EIF2B3: variants seen among roughly 807,000 people sequenced by gnomAD.
EIF2B3 encodes the protein translation initiation factor eIF2B subunit gamma.
Under a neutral mutation model 54.1 loss-of-function variants are expected in EIF2B3, and 20 were observed. That is an observed-to-expected ratio of 0.37 (90% CI 0.26 to 0.54). The LOEUF (loss-of-function observed/expected upper bound fraction) is 0.54. Ranked by LOEUF, EIF2B3 falls within the 20% of genes least tolerant of loss-of-function variation. The pLI is 0.86. For missense variants in EIF2B3, 448 were observed against 547.8 expected (o/e 0.82, Z 1.82); for synonymous variants, 153 against 188.1 (o/e 0.81, Z 1.52).
chr1:44,966,417 C>T lies in EIF2B3; in HGVS notation c.294+11898G>A, dbSNP rs113518867. ...TTATGCCACTGCACTCCAGCCTGGG[C>T]GACAGAGCGAGACTCTGTCTCAAAA... On this transcript the variant is annotated intron_variant, in intron 3 of 11. Transcript: ENST00000360403. 7.0e-4 allele frequency among the ~76,000 whole-genome samples: 94 copies of T among 134,664 alleles called. 1 individual carries two copies. Among genetic ancestry groups the T allele is most frequent in the Middle Eastern group, 7.8e-3 (2 of 256 alleles). 88.3% of individuals were successfully genotyped at this position (134,664 alleles called of 152,430 possible). A position where few individuals can be genotyped will look rare whatever the true frequency, so the allele number is the denominator to read the frequency against.
At chr1:44,973,519 G>A (rs962766579) in intron 3 of EIF2B3, among the ~76,000 whole-genome samples, 6 of 152,122 alleles carry the variant, frequency 3.9e-5, no homozygotes, top group African/African-American at 7.2e-5. Context: ...CCAACATGGC[G>A]AAACCCCATT....
At chr1:44,942,377 T>TTATATATATATATATACATATATA (rs1644033459) in intron 3 of EIF2B3, among the ~76,000 whole-genome samples, 1 of 21,586 alleles carries the variant, frequency 4.6e-5, no homozygotes, top group Non-Finnish European at 7.1e-5. Flanking sequence ...CTTTCTGATT[T>TTATATATATATATATACATATATA]TATATATATA....
At chr1:44,875,915 C>T (rs1655114407) in intron 8 of EIF2B3, among the ~76,000 whole-genome samples, 1 of 152,254 alleles carries the variant, frequency 6.6e-6, no homozygotes, top group Non-Finnish European at 1.5e-5. Flanking sequence ...CTGCCGACTG[C>T]CTGCAATTGC....
At chr1:44,935,610 C>T (rs1643938609) in intron 4 of EIF2B3, among the ~76,000 whole-genome samples, 1 of 152,192 alleles carries the variant, frequency 6.6e-6, no homozygotes, top group Admixed American at 6.5e-5. Context: ...AGCAATTCTC[C>T]TGCCTCAGCC....
intron 3 of EIF2B3, among the ~76,000 whole-genome samples, chr1:44,962,911 T>C (rs775498096): frequency 1.3e-5 from 2 of 152,114 alleles, no homozygotes; most frequent in Admixed American, 6.6e-5. Context: ...CCTGTGTAAA[T>C]ACAGAAAAAT....
intron 6 of EIF2B3, among the ~76,000 whole-genome samples, chr1:44,891,626 A>C (rs1007875932): frequency 6.6e-6 from 1 of 152,178 alleles, no homozygotes; most frequent in African/African-American, 2.4e-5. Context: ...GAATTCTGGC[A>C]ATGTTCTGTT....
rs1237655571 is a variant in EIF2B3, at chr1:44,958,683, C to T, written c.295-17018G>A. Reference sequence around the variant, plus strand: ...TCAGCATGGCAGTGGTGAGTTTAGTCGCTCACCAGCTATCTGTGCTGCCTG... The same window carrying T: ...TCAGCATGGCAGTGGTGAGTTTAGTTGCTCACCAGCTATCTGTGCTGCCTG... On this transcript the variant is annotated intron_variant, in intron 3 of 11. Coordinates refer to ENST00000360403, the MANE Select transcript of EIF2B3 (RefSeq NM_020365.5). The T allele has an allele frequency of 1.6e-5, 25 of 1,597,284 alleles. No individual in the cohort carries two copies. In the Admixed American group the frequency reaches 2.8e-4, roughly 18 times the overall value.
At chr1:44,915,025 G>A (rs967956032) in intron 5 of EIF2B3, among the ~76,000 whole-genome samples, 10 of 150,456 alleles carry the variant, frequency 6.6e-5, no homozygotes, top group African/African-American at 1.7e-4. Flanking sequence ...TTGGTCAGGC[G>A]TGGTGGCTCA....
intron 10 of EIF2B3, among the ~76,000 whole-genome samples, chr1:44,862,148 A>G (rs187637255): frequency 1.8e-4 from 28 of 152,300 alleles, no homozygotes; most frequent in African/African-American, 6.3e-4. Flanking sequence ...TAGTCCAACA[A>G]AAGAGCTTGT....
chr1:44,863,918 C>T (rs1264436862), intron 10 of EIF2B3, among the ~76,000 whole-genome samples: 1 of 152,116 alleles, frequency 6.6e-6, no homozygotes, highest in African/African-American at 2.4e-5. Context: ...TTCCCTGTTT[C>T]TGGTCACTCT....
intron 4 of EIF2B3, among the ~76,000 whole-genome samples, chr1:44,932,828 A>G (rs1643909413): frequency 6.6e-6 from 1 of 152,230 alleles, no homozygotes; most frequent in South Asian, 2.1e-4. Context: ...AAAATATGAA[A>G]CAAATATGTG....
chr1:44,897,833 C>T (rs1656027753), intron 5 of EIF2B3, among the ~76,000 whole-genome samples: 1 of 150,786 alleles, frequency 6.6e-6, no homozygotes, highest in South Asian at 2.1e-4. Context: ...GTCTCCCAGG[C>T]TCAAGCAATT....
chr1:44,940,517 T>C (rs1644008600), intron 4 of EIF2B3: 1 of 152,196 alleles, frequency 6.6e-6, no homozygotes, highest in Non-Finnish European at 1.5e-5. Context: ...CCTGTAATCC[T>C]AGCACTTTGG....
At chr1:44,903,453 G>A (rs898059602) in intron 5 of EIF2B3, among the ~76,000 whole-genome samples, 2 of 152,160 alleles carry the variant, frequency 1.3e-5, no homozygotes, top group African/African-American at 2.4e-5. Context: ...ATCATCATGT[G>A]TGTGGGAGGA....
chr1:44,941,789 A>G, intron 3 of EIF2B3, 124 bp from the exon 4 acceptor site: 5 of 1,136,422 alleles, frequency 4.4e-6, no homozygotes, highest in Non-Finnish European at 6.6e-6. Flanking sequence ...AGCATTTTTC[A>G]TAGCCAAACA....
chr1:44,973,142 G>A (rs1334685538), intron 3 of EIF2B3, among the ~76,000 whole-genome samples: 1 of 152,220 alleles, frequency 6.6e-6, no homozygotes. Context: ...CAGTATGGCA[G>A]TTCATTAAAA....
At chr1:44,956,265 C>G (rs553819410) in intron 3 of EIF2B3, among the ~76,000 whole-genome samples, 10 of 152,086 alleles carry the variant, frequency 6.6e-5, no homozygotes, top group African/African-American at 2.2e-4. Flanking sequence ...AACACAGGAA[C>G]AGAAAACCAA....
intron 3 of EIF2B3, among the ~76,000 whole-genome samples, chr1:44,976,854 T>C (rs1002124216): frequency 6.6e-6 from 1 of 152,186 alleles, no homozygotes; most frequent in African/African-American, 2.4e-5. Flanking sequence ...TACATAGTGA[T>C]AGAAACAGAA....
intron 5 of EIF2B3, among the ~76,000 whole-genome samples, chr1:44,918,095 T>TTTTA (rs1643665546): frequency 7.7e-6 from 1 of 130,564 alleles, no homozygotes. Context: ...TTTTTTTTTT[T>TTTTA]GAGATGGAGT....
Sources: gnomAD v4.1 joint callset for allele counts (sites outside exome capture counted in the v4.1 genomes callset) on GRCh38, gnomAD v4.1.1 for gene constraint, MANE v1.5 for transcripts, NCBI Gene and HGNC (gene_info 2026-07-23, HGNC 2026-07-21) for gene names.